LRGUK: variants seen among roughly 807,000 people sequenced by gnomAD.
LRGUK encodes the protein leucine rich repeats and guanylate kinase domain containing.
A neutral mutation model predicts 76.0 loss-of-function variants in LRGUK; 65 were observed. That is an observed-to-expected ratio of 0.85 (90% CI 0.70 to 1.05). The LOEUF is 1.05. Ranked by LOEUF, LRGUK falls within the 50% of genes least tolerant of loss-of-function variation. LRGUK has a pLI of 0.00. For missense variants in LRGUK, 758 were observed against 732.8 expected (o/e 1.03, Z -0.40); for synonymous variants, 268 against 265.6 (o/e 1.01, Z -0.09).
At chr7:134,183,641 C>A in intron 10 of LRGUK, 93 bp from the exon 11 acceptor site, 1 of 1,446,820 alleles carries the variant, frequency 6.9e-7, no homozygotes, top group Non-Finnish European at 9.5e-7. Flanking sequence ...AGCAAGTGCT[C>A]ATTTAGCCAG....
chr7:134,229,004 GATT>G (rs1221472720), intron 16 of LRGUK, among the ~76,000 whole-genome samples: 1 of 152,102 alleles, frequency 6.6e-6, no homozygotes, highest in Non-Finnish European at 1.5e-5. Context: ...CATTTGACAA[GATT>G]ATTAGAAACA....
chr7:134,258,382 G>A (rs766322394), exon 19 of LRGUK: 2 of 1,613,876 alleles, frequency 1.2e-6, no homozygotes, highest in Admixed American at 1.7e-5. Context: ...GCCAGTGACA[G>A]TGAGACCGAA....
intron 16 of LRGUK, among the ~76,000 whole-genome samples, chr7:134,226,027 T>C (rs1433545801): frequency 2.0e-5 from 3 of 152,314 alleles, no homozygotes; most frequent in African/African-American, 7.2e-5. Context: ...TTTTTGGAAC[T>C]TTTTAGTGGA....
intron 16 of LRGUK, among the ~76,000 whole-genome samples, chr7:134,232,532 C>T (rs1489646471): frequency 1.3e-5 from 2 of 152,140 alleles, no homozygotes; most frequent in African/African-American, 4.8e-5. Flanking sequence ...CCCACCTTGG[C>T]CTCCCAAAGT....
At chr7:134,199,541 G>A (rs1393918422) in intron 14 of LRGUK, 120 bp downstream of exon 14, 3 of 819,164 alleles carry the variant, frequency 3.7e-6, no homozygotes, top group Admixed American at 5.2e-5. Context: ...GAATCACAAA[G>A]AGCTGCGAAA....
At chr7:134,161,014 G>C (rs1419436429) in intron 6 of LRGUK, among the ~76,000 whole-genome samples, 1 of 152,006 alleles carries the variant, frequency 6.6e-6, no homozygotes. Context: ...ATGACAGTAG[G>C]CTATCTAATT....
chr7:134,177,961 A>G (rs1178194231), intron 9 of LRGUK, among the ~76,000 whole-genome samples: 3 of 152,218 alleles, frequency 2.0e-5, no homozygotes, highest in Non-Finnish European at 4.4e-5. Flanking sequence ...GAAGAACTGT[A>G]CATTATGAAG....
At chr7:134,142,195 G>C (rs149480168) in intron 3 of LRGUK, among the ~76,000 whole-genome samples, 1 of 152,272 alleles carries the variant, frequency 6.6e-6, no homozygotes, top group East Asian at 1.9e-4. Flanking sequence ...CTAGAATCTA[G>C]AACGAGGAGA....
At chr7:134,209,832 C>A (rs966477410) in exon 16 of LRGUK, 2 of 399,218 alleles carry the variant, frequency 5.0e-6, no homozygotes, top group Non-Finnish European at 8.8e-6. Context: ...ATCAGTCCCC[C>A]CAGCCAGGAG....
At chr7:134,177,307 T>C (rs1355208834) in intron 9 of LRGUK, among the ~76,000 whole-genome samples, 4 of 152,210 alleles carry the variant, frequency 2.6e-5, no homozygotes, top group Non-Finnish European at 5.9e-5. Context: ...AGAGGTTGGC[T>C]GTGGGGAACA....
At chr7:134,171,530 G>T (rs1405052792) in intron 7 of LRGUK, among the ~76,000 whole-genome samples, 2 of 151,848 alleles carry the variant, frequency 1.3e-5, no homozygotes, top group Non-Finnish European at 2.9e-5. Flanking sequence ...GATCTGGATG[G>T]TGATGCTTAG....
At chr7:134,263,682 T>G (rs1309053789) in intron 19 of LRGUK, among the ~76,000 whole-genome samples, 163 bp from the exon 20 acceptor site, 1 of 149,576 alleles carries the variant, frequency 6.7e-6, no homozygotes, top group Non-Finnish European at 1.5e-5. Flanking sequence ...CCCAAAGTAC[T>G]GCAATTATAG....
chr7:134,226,218 A>ATGTGTGTGTGTGTGTGTG (rs57035440), intron 16 of LRGUK, among the ~76,000 whole-genome samples: 12 of 141,714 alleles, frequency 8.5e-5, no homozygotes, highest in African/African-American at 3.1e-4. Context: ...CCCATCTCCA[A>ATGTGTGTGTGTGTGTGTG]TGTGTGTGTG....
chr7:134,252,167 T>C (rs1449227241), intron 18 of LRGUK, among the ~76,000 whole-genome samples: 1 of 150,418 alleles, frequency 6.6e-6, no homozygotes, highest in Non-Finnish European at 1.5e-5. Flanking sequence ...AGTGAGACTC[T>C]GTTTATACCA....
At chr7:134,143,303 A>G (rs1315573634) in intron 4 of LRGUK, 141 bp downstream of exon 4, 4 of 607,560 alleles carry the variant, frequency 6.6e-6, no homozygotes, top group East Asian at 5.4e-5. Context: ...GAAATAAAAA[A>G]GAAGGCTTTG....
intron 4 of LRGUK, among the ~76,000 whole-genome samples, chr7:134,144,148 C>T (rs890755403): frequency 6.6e-6 from 1 of 152,190 alleles, no homozygotes; most frequent in Non-Finnish European, 1.5e-5. Context: ...CAACTTCAGC[C>T]TCCTGGGCTC....
chr7:134,253,671 C>T (rs1186837779), intron 18 of LRGUK, among the ~76,000 whole-genome samples: 2 of 152,044 alleles, frequency 1.3e-5, no homozygotes, highest in African/African-American at 4.8e-5. Flanking sequence ...AAAAATTAGC[C>T]AGATGTGGTG....
chr7:134,270,734 A>G, the LRGUK span, among the ~76,000 whole-genome samples: 15 of 152,264 alleles, frequency 9.9e-5, no homozygotes, highest in East Asian at 2.7e-3. Context: ...TTGCTATATA[A>G]TATCACACTG....
In LRGUK at chr7:134,149,120, A is replaced by AC. The variant is rs548249147; in HGVS notation, c.670+801_670+802insC. Among the ~76,000 whole-genome samples, 486 of 148,512 alleles carry AC rather than the reference A, an allele frequency of 3.3e-3. 4 individuals are homozygous for AC. Among genetic ancestry groups the AC allele is most frequent in the Admixed American group, 5.0e-3 (73 of 14,642 alleles). ...TGCTTTCTTTTTTTAAAAAAAAAAA[A>AC]AAACAACTTTTGATTTGATTTGCAA... On this transcript the variant is annotated intron_variant, in intron 5 of 15. Transcript: ENST00000645682.
Sources: allele counts gnomAD v4.1 joint callset (sites outside exome capture counted in the v4.1 genomes callset), GRCh38; gene constraint gnomAD v4.1.1; transcripts MANE v1.5; gene names NCBI Gene and HGNC (gene_info 2026-07-23, HGNC 2026-07-21).